RBFOX1: variants seen among roughly 807,000 people sequenced by gnomAD.
The protein encoded by RBFOX1 is RNA binding fox-1 homolog 1.
A neutral mutation model predicts 57.7 loss-of-function variants in RBFOX1; 8 were observed. That is an observed-to-expected ratio of 0.14 (90% CI 0.08 to 0.25). The LOEUF is 0.25. RBFOX1 is among the 10% of genes least tolerant of loss of function. The pLI, the probability that RBFOX1 is intolerant of heterozygous loss-of-function variation, is 1.00. For missense variants in RBFOX1, 611 were observed against 548.5 expected (o/e 1.11, Z -1.14); for synonymous variants, 326 against 222.4 (o/e 1.47, Z -4.15).
chr16:7,028,619 A>C (rs1402414293), intron 3 of RBFOX1, among the ~76,000 whole-genome samples: 2 of 148,886 alleles, frequency 1.3e-5, no homozygotes, highest in Non-Finnish European at 1.5e-5. Flanking sequence ...CAAAAAAAAA[A>C]AAAAAAAAAA....
chr16:6,039,104 G>A (rs577608859), intron 1 of RBFOX1: 1 of 151,966 alleles, frequency 6.6e-6, no homozygotes, highest in South Asian at 2.1e-4. Flanking sequence ...GTGCATAGCG[G>A]GGAGAAGGGA....
chr16:7,404,223 T>G (rs945027853), intron 4 of RBFOX1, among the ~76,000 whole-genome samples: 32 of 152,038 alleles, frequency 2.1e-4, no homozygotes, highest in African/African-American at 7.0e-4. Flanking sequence ...TGGCTAAGTT[T>G]TGTATTTTTA....
intron 1 of RBFOX1, among the ~76,000 whole-genome samples, chr16:6,106,485 A>AAAAG (rs2096380960): frequency 6.6e-6 from 1 of 150,498 alleles, no homozygotes; most frequent in Non-Finnish European, 1.5e-5. Context: ...AAAAAAAAAA[A>AAAAG]GGTAGTTCCA....
At chr16:6,086,630 A>G (rs1229235064) in intron 1 of RBFOX1, among the ~76,000 whole-genome samples, 2 of 152,194 alleles carry the variant, frequency 1.3e-5, no homozygotes, top group Non-Finnish European at 2.9e-5. Flanking sequence ...GTTGGGGTTC[A>G]TTATATCTGA....
chr16:6,706,484 T>C (rs1328262008), intron 3 of RBFOX1, among the ~76,000 whole-genome samples: 1 of 152,230 alleles, frequency 6.6e-6, no homozygotes, highest in Non-Finnish European at 1.5e-5. Context: ...GCCTGATGGC[T>C]GGTAATGAGG....
At chr16:6,722,966 C>G (rs1241424935) in intron 3 of RBFOX1, among the ~76,000 whole-genome samples, 1 of 152,102 alleles carries the variant, frequency 6.6e-6, no homozygotes, top group Non-Finnish European at 1.5e-5. Flanking sequence ...AGGAGTTCTG[C>G]AAGTGATGGT....
chr16:5,960,177 G>C (rs1245030109), intron 4 of RBFOX1, among the ~76,000 whole-genome samples: 7 of 152,076 alleles, frequency 4.6e-5, no homozygotes, highest in Non-Finnish European at 1.0e-4. Flanking sequence ...CTCCAGCCTG[G>C]GCAACAGAGT....
At chr16:7,439,065 G>C (rs1408705272) in intron 4 of RBFOX1, among the ~76,000 whole-genome samples, 4 of 151,796 alleles carry the variant, frequency 2.6e-5, no homozygotes, top group African/African-American at 7.3e-5. Flanking sequence ...AGCCAACGCA[G>C]AGTCTCTCTG....
rs930765738 is a variant in RBFOX1, at chr16:5,946,944, G to A, written c.351+79609G>A. Among the ~76,000 whole-genome samples the A allele has an allele frequency of 3.3e-5, 5 of 152,186 alleles. No individual in the cohort carries two copies. The highest frequency in any genetic ancestry group is 4.4e-5 in the Non-Finnish European group (3 of 68,032). Reference sequence around the variant, plus strand: ...TGTTAGAAGAAAGGCCAGAGCAGTGGCTCACAGCCGTAATCCTAGCACTTA... The same window carrying A: ...TGTTAGAAGAAAGGCCAGAGCAGTGACTCACAGCCGTAATCCTAGCACTTA... On this transcript the variant is annotated intron_variant, in intron 4 of 19. Transcript: ENST00000641259. The surrounding 1 kb of genome is among the most constrained non-coding windows in gnomAD (Gnocchi z 4.6).
chr16:7,479,616 G>A (rs759577144), intron 4 of RBFOX1, among the ~76,000 whole-genome samples: 36 of 152,150 alleles, frequency 2.4e-4, no homozygotes, highest in Non-Finnish European at 4.6e-4. Flanking sequence ...TCTCACCACA[G>A]CTCAGAGATG....
intron 2 of RBFOX1, among the ~76,000 whole-genome samples, chr16:6,431,951 T>C (rs184037377): frequency 6.9e-6 from 1 of 145,378 alleles, no homozygotes; most frequent in Admixed American, 6.9e-5. Context: ...CTTTCTTTCT[T>C]TCTTTCTTTC....
intron 4 of RBFOX1, among the ~76,000 whole-genome samples, chr16:7,140,907 C>T (rs902157467): frequency 1.3e-5 from 2 of 152,156 alleles, no homozygotes; most frequent in African/African-American, 4.8e-5. Context: ...GCATCTTTCC[C>T]AAAGGGATTC....
At chr16:5,965,136 T>C (rs556911601) in intron 4 of RBFOX1, among the ~76,000 whole-genome samples, 3 of 152,048 alleles carry the variant, frequency 2.0e-5, no homozygotes, top group Non-Finnish European at 4.4e-5. Context: ...AGCTGGACGG[T>C]GGGAAAAATA....
chr16:7,248,327 C>T (rs556743557), intron 4 of RBFOX1, among the ~76,000 whole-genome samples: 26 of 152,322 alleles, frequency 1.7e-4, no homozygotes, highest in African/African-American at 5.8e-4. Context: ...TCATAAAGGA[C>T]CGTGCTGTTG....
At chr16:6,872,606 A>G (rs980316476) in intron 3 of RBFOX1, among the ~76,000 whole-genome samples, 1 of 152,156 alleles carries the variant, frequency 6.6e-6, no homozygotes, top group East Asian at 1.9e-4. Flanking sequence ...ACACCCAATT[A>G]ATGTGCAACT....
intron 4 of RBFOX1, among the ~76,000 whole-genome samples, chr16:7,226,009 G>C (rs1032563910): frequency 6.6e-6 from 1 of 151,698 alleles, no homozygotes; most frequent in African/African-American, 2.4e-5. Context: ...GGGCCTTGCT[G>C]AATCTGTACA....
chr16:6,895,436 G>GTATATATA (rs1420239034), intron 3 of RBFOX1, among the ~76,000 whole-genome samples: 10 of 85,764 alleles, frequency 1.2e-4, no homozygotes, highest in Admixed American at 2.8e-4. Flanking sequence ...GTGTGTGTGT[G>GTATATATA]TGTGTGTGTG....
chr16:6,327,359 C>A (rs2082493201), intron 2 of RBFOX1, among the ~76,000 whole-genome samples: 1 of 152,054 alleles, frequency 6.6e-6, no homozygotes, highest in Admixed American at 6.6e-5. Context: ...ACCAGAATCA[C>A]TAGAGTTAAT....
chr16:5,432,041 C>G (rs759901987), intron 1 of RBFOX1, among the ~76,000 whole-genome samples: 1 of 152,050 alleles, frequency 6.6e-6, no homozygotes, highest in Admixed American at 6.6e-5. Context: ...TTGGTTCTCT[C>G]CTGGAGGTAA....
Sources: allele counts gnomAD v4.1 joint callset (sites outside exome capture counted in the v4.1 genomes callset), GRCh38; gene constraint gnomAD v4.1.1; non-coding constraint Gnocchi (gnomAD v3.1); transcripts MANE v1.5; gene names NCBI Gene and HGNC (gene_info 2026-07-23, HGNC 2026-07-21).